Variants in ILRUN observed in about 807,000 individuals in gnomAD.
ILRUN encodes inflammation and lipid regulator with UBA-like and NBR1-like domains.
In ILRUN, 3 loss-of-function variants were observed where a neutral mutation model predicts 33.8. That is an observed-to-expected ratio of 0.09 (90% CI 0.04 to 0.23). The LOEUF is 0.23. Among genes scored for constraint, ILRUN ranks in the 10% least tolerant of loss-of-function variants. The probability of loss-of-function intolerance (pLI) is 1.00; values close to 1 mark genes in which losing one functional copy is unlikely to be tolerated. For synonymous variants in ILRUN, 124 were observed against 138.9 expected, an observed-to-expected ratio of 0.89 and a Z score of 0.75; for missense variants, 210 against 375.1, an observed-to-expected ratio of 0.56 and a Z score of 3.64.
Position 34,660,138 on chromosome 6 carries a change from C to CAA in ILRUN, c.159-5361_159-5360dup, listed in dbSNP as rs35747437. Among the ~76,000 whole-genome samples, 324 of 132,404 alleles carry CAA rather than the reference C, an allele frequency of 2.4e-3. 2 individuals carry two copies. Among genetic ancestry groups the CAA allele is most frequent in the East Asian group, 5.8e-3 (27 of 4,652 alleles). 86.9% of individuals were successfully genotyped at this position (132,404 alleles called of 152,430 possible). A position where few individuals can be genotyped will look rare whatever the true frequency, so the allele number is the denominator to read the frequency against. On this transcript the variant is annotated intron_variant, in intron 1 of 4. Transcript: ENST00000374023. ...GTAACATGGCGAAACCTCATCCCTT[C>CAA]AAAAAAAAAAAAAAATCAGCCAGGC...
intron 1 of ILRUN, among the ~76,000 whole-genome samples, chr6:34,679,058 G>A (rs184722382): frequency 2.0e-5 from 3 of 150,512 alleles, no homozygotes; most frequent in Non-Finnish European, 2.9e-5. Flanking sequence ...TTACCTTGGC[G>A]ACAATCTGTA....
intron 1 of ILRUN, among the ~76,000 whole-genome samples, chr6:34,680,736 G>T (rs1010535369): frequency 6.6e-6 from 1 of 152,000 alleles, no homozygotes; most frequent in African/African-American, 2.4e-5. Flanking sequence ...ATCACGACTG[G>T]CCTATTTTTT....
chr6:34,603,934 G>C (rs148283368), intron 4 of ILRUN, among the ~76,000 whole-genome samples: 70 of 152,272 alleles, frequency 4.6e-4, no homozygotes, highest in Admixed American at 1.4e-3. Flanking sequence ...GAGTGGAGCT[G>C]ACTCAACTTT....
intron 4 of ILRUN, among the ~76,000 whole-genome samples, chr6:34,599,846 C>G (rs1045093878): frequency 6.6e-6 from 1 of 152,230 alleles, no homozygotes; most frequent in African/African-American, 2.4e-5. Flanking sequence ...ATCCTTTCCC[C>G]TATCCATTGA....
chr6:34,635,612 CTTT>C (rs778064465), intron 3 of ILRUN, among the ~76,000 whole-genome samples: 8 of 104,564 alleles, frequency 7.7e-5, no homozygotes, highest in Admixed American at 1.1e-4. Context: ...TCTTAGAAAG[CTTT>C]TTTTTTTTTT....
At chr6:34,677,776 C>A (rs1317794110) in intron 1 of ILRUN, among the ~76,000 whole-genome samples, 1 of 151,828 alleles carries the variant, frequency 6.6e-6, no homozygotes, top group Non-Finnish European at 1.5e-5. Flanking sequence ...TGACAAAACC[C>A]CCTATGTACA....
At position 34,635,635 on chromosome 6, in the gene ILRUN, GAC is replaced by G. The variant is rs1482994797; in HGVS notation, c.511+10964_511+10965del. Among the ~76,000 whole-genome samples, 1,086 of 126,856 alleles carry G rather than the reference GAC, an allele frequency of 8.6e-3. 19 individuals are homozygous for G. Among genetic ancestry groups the G allele is most frequent in the African/African-American group, 0.032 (1,020 of 32,116 alleles). 83.2% of individuals were successfully genotyped at this position (126,856 alleles called of 152,430 possible). ...AGCTTTTTTTTTTTTTTTTTTTTGA[GAC>G]ACAGTCTTGCTCTGTTGCCCAGGCT... On this transcript the variant is annotated intron_variant, in intron 3 of 4. Coordinates refer to ENST00000374023, the MANE Select transcript of ILRUN (RefSeq NM_024294.4).
rs1562016168 is a variant in ILRUN, at chr6:34,646,641, T to A, written c.471A>T (p.Gly157=). 6.2e-7 allele frequency: 1 copy of A among 1,614,136 alleles called. No individual in the cohort carries two copies. Among genetic ancestry groups the A allele is most frequent in the Admixed American group, 1.7e-5 (1 of 60,016 alleles). ...CTGTAGCAGTGCACATCCGCCACTG[T>A]CCCTGATACATTCCTGCTCTGCTGG... ...CSPSRAGMYQ[G]QWRMCTATGL... The change falls in exon 3 of 5, where the codon GGA becomes GGT. Residue 157 remains glycine, a synonymous_variant. Transcript: ENST00000374023. The surrounding 1 kb of genome is among the most constrained non-coding windows in gnomAD (Gnocchi z 4.9).
chr6:34,653,882 G>A (rs1476058057), intron 2 of ILRUN, among the ~76,000 whole-genome samples: 3 of 149,260 alleles, frequency 2.0e-5, no homozygotes, highest in Non-Finnish European at 4.4e-5. Context: ...GAGGCAGGAG[G>A]ATCGCCTGAG....
Position 34,621,345 on chromosome 6 carries a change from A to G in ILRUN, c.512-14441T>C, listed in dbSNP as rs1762008993. On this transcript the variant is annotated intron_variant, in intron 3 of 4. Transcript: ENST00000374023. The stretch of plus-strand genomic sequence containing the variant: ...AAGAATTCCAGCTAATAAAAGTAGA[A>G]GGAATCGCTACTTTGTAACTTCTAA... Among the ~76,000 whole-genome samples the G allele has an allele frequency of 3.3e-5, 5 of 152,210 alleles. No homozygotes were observed. In the South Asian group the frequency reaches 1.0e-3, roughly 32 times the overall value.
At chr6:34,688,256 C>G (rs1415837709) in intron 1 of ILRUN, among the ~76,000 whole-genome samples, 1 of 151,578 alleles carries the variant, frequency 6.6e-6, no homozygotes, top group Non-Finnish European at 1.5e-5. Context: ...AGCACAAAAA[C>G]TGGCTGGGCA....
chr6:34,682,888 A>C (rs1043906947), intron 1 of ILRUN, among the ~76,000 whole-genome samples: 1 of 151,974 alleles, frequency 6.6e-6, no homozygotes, highest in African/African-American at 2.4e-5. Flanking sequence ...ACATTGGCAC[A>C]TTATTTCTCT....
intron 1 of ILRUN, among the ~76,000 whole-genome samples, chr6:34,679,480 GA>G (rs1446406186): frequency 4.0e-5 from 6 of 151,660 alleles, no homozygotes; most frequent in Non-Finnish European, 5.9e-5. Context: ...AATTTATATT[GA>G]AAAAAAATTT....
intron 1 of ILRUN, among the ~76,000 whole-genome samples, chr6:34,685,810 C>A (rs1164204594): frequency 6.6e-6 from 1 of 152,024 alleles, no homozygotes; most frequent in Non-Finnish European, 1.5e-5. Context: ...TAATACAGAG[C>A]TAATGAGAGG....
intron 2 of ILRUN, among the ~76,000 whole-genome samples, chr6:34,652,223 A>T (rs916164747): frequency 3.9e-5 from 6 of 152,232 alleles, no homozygotes; most frequent in Non-Finnish European, 8.8e-5. Context: ...AAGCAAGGTG[A>T]GAAAGAAATT....
At chr6:34,647,770 G>A (rs1211943325) in intron 2 of ILRUN, among the ~76,000 whole-genome samples, 3 of 152,116 alleles carry the variant, frequency 2.0e-5, no homozygotes, top group Non-Finnish European at 4.4e-5. Context: ...TCACTATGTT[G>A]GCCAGGCTGG....
chr6:34,614,441 A>ATAT lies in ILRUN; in HGVS notation c.512-7538_512-7537insATA, dbSNP rs1210392851. On this transcript the variant is annotated intron_variant, in intron 3 of 4. Transcript: ENST00000374023. The stretch of plus-strand genomic sequence containing the variant: ...CATCTCAAAAAATAATAAAAAAAAA[A>ATAT]AAATATATATATATAAAATGTATAT... Among the ~76,000 whole-genome samples the ATAT allele has an allele frequency of 3.3e-3, 372 of 111,994 alleles. 5 individuals carry two copies. Among genetic ancestry groups the ATAT allele is most frequent in the African/African-American group, 0.011 (260 of 23,172 alleles). The allele number at this position is 111,994 out of a possible 152,430, so 73.5% of individuals were successfully genotyped here.
At chr6:34,655,323 G>A (rs1762747115) in intron 1 of ILRUN, among the ~76,000 whole-genome samples, 2 of 152,126 alleles carry the variant, frequency 1.3e-5, no homozygotes. Flanking sequence ...ACATAATACA[G>A]AAAATCATGT....
rs536112602 is a variant in ILRUN at position 34,587,761 on chromosome 6, C to A, written c.*2804G>T. 3.6e-6 allele frequency: 1 copy of A among 279,522 alleles called. No individual in the cohort carries two copies. The highest frequency in any genetic ancestry group is 6.1e-5 in the East Asian group (1 of 16,442). The allele number at this position is 279,522 out of a possible 1,614,324, so 17.3% of individuals were successfully genotyped here. A position where few individuals can be genotyped will look rare whatever the true frequency, so the allele number is the denominator to read the frequency against. ...AATGCCCCAAATTCAACTGTCCTCA[C>A]GGCAAAAAGAAAAAAAGCATGCACA... On this transcript the variant is annotated 3_prime_UTR_variant, in exon 5 of 5. Transcript: ENST00000374023.
Sources: allele counts gnomAD v4.1 joint callset (sites outside exome capture counted in the v4.1 genomes callset), GRCh38; gene constraint gnomAD v4.1.1; non-coding constraint Gnocchi (gnomAD v3.1); transcripts MANE v1.5; gene names NCBI Gene and HGNC (gene_info 2026-07-23, HGNC 2026-07-21).